The following RAPGEF5 variants were observed in gnomAD, a reference collection of about 807,000 sequenced individuals.
RAPGEF5 encodes M-Ras-regulated GEF.
Under a neutral mutation model 125.2 loss-of-function variants are expected in RAPGEF5, and 65 were observed. The ratio of observed to expected loss-of-function variants is 0.52; its 90% CI spans 0.43 to 0.64. The LOEUF is 0.64. Among genes scored for constraint, RAPGEF5 ranks in the 30% least tolerant of loss-of-function variants. The pLI, the probability that RAPGEF5 is intolerant of heterozygous loss-of-function variation, is 0.00. For missense variants in RAPGEF5, 958 were observed against 1,048.1 expected (o/e 0.91, Z 1.19); for synonymous variants, 391 against 385.9 (o/e 1.01, Z -0.16).
intron 3 of RAPGEF5, among the ~76,000 whole-genome samples, chr7:22,311,478 A>G (rs998259969): frequency 2.6e-5 from 4 of 152,214 alleles, no homozygotes; most frequent in African/African-American, 4.8e-5. Context: ...GAATCACACC[A>G]TAACCAACAA....
intron 1 of RAPGEF5, among the ~76,000 whole-genome samples, chr7:22,325,067 T>C (rs1783787267): frequency 6.6e-6 from 1 of 152,188 alleles, no homozygotes; most frequent in South Asian, 2.1e-4. Flanking sequence ...CTGTGCACTT[T>C]CCTGTATTTC....
intron 1 of RAPGEF5, among the ~76,000 whole-genome samples, chr7:22,334,813 C>A (rs952064900): frequency 6.6e-5 from 10 of 152,228 alleles, no homozygotes; most frequent in Admixed American, 6.5e-5. Context: ...CCCTGGATAG[C>A]TGGATCCAGC....
intron 7 of RAPGEF5, among the ~76,000 whole-genome samples, chr7:22,242,027 C>G (rs1466951171): frequency 6.6e-6 from 1 of 152,186 alleles, no homozygotes; most frequent in East Asian, 1.9e-4. Flanking sequence ...AAGTTCAAGG[C>G]TGTCCCCATA....
intron 7 of RAPGEF5, among the ~76,000 whole-genome samples, chr7:22,257,247 A>C (rs1050096134): frequency 6.6e-6 from 1 of 152,184 alleles, no homozygotes; most frequent in East Asian, 1.9e-4. Flanking sequence ...GATGTATATT[A>C]GCTTATTTTT....
intron 19 of RAPGEF5, among the ~76,000 whole-genome samples, chr7:22,145,998 G>GT (rs1491016880): frequency 2.0e-5 from 3 of 150,154 alleles, no homozygotes; most frequent in African/African-American, 7.4e-5. Context: ...GTGTGTGTGT[G>GT]TTTTATAGAG....
At chr7:22,309,366 C>T (rs1167120150) in intron 4 of RAPGEF5, among the ~76,000 whole-genome samples, 3 of 152,164 alleles carry the variant, frequency 2.0e-5, no homozygotes, top group Non-Finnish European at 1.5e-5. Context: ...GAAAAAAGTG[C>T]TTTTCAGTGA....
chr7:22,151,872 T>C (rs753083041), intron 17 of RAPGEF5, among the ~76,000 whole-genome samples: 4 of 152,244 alleles, frequency 2.6e-5, no homozygotes, highest in Non-Finnish European at 5.9e-5. Flanking sequence ...ATATTCCTCC[T>C]CTATCTTATT....
At chr7:22,217,706 T>G (rs1785673087) in intron 9 of RAPGEF5, among the ~76,000 whole-genome samples, 1 of 152,188 alleles carries the variant, frequency 6.6e-6, no homozygotes, top group Admixed American at 6.5e-5. Context: ...CACAGGAAAG[T>G]CTACATAGAA....
At position 22,122,404 on chromosome 7, in the gene RAPGEF5, G is replaced by A. The variant is rs778620855; in HGVS notation, c.*2C>T. 4 of 1,607,474 alleles carry A rather than the reference G, an allele frequency of 2.5e-6. No individual in the cohort carries two copies. Among genetic ancestry groups the A allele is most frequent in the South Asian group, 2.2e-5 (2 of 90,904 alleles). On this transcript the variant is annotated 3_prime_UTR_variant, in exon 26 of 26. Transcript: ENST00000665637. ...GATACAGGGGAGGTGAGGCAGTGGG[G>A]CTCACACCCGAGGCTCGATCCTGTG...
At chr7:22,156,700 G>A (rs1677125971) in intron 16 of RAPGEF5, 110 bp downstream of exon 16, 4 of 1,546,014 alleles carry the variant, frequency 2.6e-6, no homozygotes, top group African/African-American at 2.7e-5. Flanking sequence ...GTGCTTATCT[G>A]AGGGGTGACA....
At chr7:22,213,312 A>G (rs1785553318) in intron 9 of RAPGEF5, among the ~76,000 whole-genome samples, 2 of 152,248 alleles carry the variant, frequency 1.3e-5, no homozygotes, top group African/African-American at 4.8e-5. Flanking sequence ...TAAAGAGCAC[A>G]CACAGTGAAC....
intron 7 of RAPGEF5, among the ~76,000 whole-genome samples, chr7:22,232,518 C>A (rs1027087838): frequency 2.0e-5 from 3 of 152,064 alleles, no homozygotes; most frequent in Admixed American, 2.0e-4. Context: ...CAGGGTTTCA[C>A]CATGTTGGCC....
chr7:22,356,043 C>G (rs1483252254), intron 1 of RAPGEF5: 1 of 985,296 alleles, frequency 1.0e-6, no homozygotes, highest in Non-Finnish European at 1.2e-6. Context: ...TCCTGAGGCC[C>G]TGGCGGGGCC....
At chr7:22,336,709 G>C (rs760612752) in intron 1 of RAPGEF5, among the ~76,000 whole-genome samples, 43 of 152,174 alleles carry the variant, frequency 2.8e-4, no homozygotes, top group Non-Finnish European at 5.6e-4. Context: ...CTCTTCCTGG[G>C]TGGAACCTGG....
chr7:22,123,087 A>T (rs1782631960), intron 25 of RAPGEF5, among the ~76,000 whole-genome samples: 1 of 152,248 alleles, frequency 6.6e-6, no homozygotes, highest in Non-Finnish European at 1.5e-5. Flanking sequence ...CAGATACAAC[A>T]GAACAGACTC....
intron 11 of RAPGEF5, among the ~76,000 whole-genome samples, chr7:22,174,156 C>G (rs1459531714): frequency 6.6e-6 from 1 of 152,090 alleles, no homozygotes; most frequent in Non-Finnish European, 1.5e-5. Flanking sequence ...TAAATACTAC[C>G]TATTATTTAT....
At chr7:22,228,805 G>T (rs1225676847) in intron 8 of RAPGEF5, among the ~76,000 whole-genome samples, 1 of 151,688 alleles carries the variant, frequency 6.6e-6, no homozygotes, top group Non-Finnish European at 1.5e-5. Flanking sequence ...GAGCCACCAC[G>T]ACTGTTACTC....
At chr7:22,192,279 A>G (rs1020907934) in intron 11 of RAPGEF5, 1 of 152,484 alleles carries the variant, frequency 6.6e-6, no homozygotes, top group African/African-American at 2.4e-5. Flanking sequence ...TTTTAAAATT[A>G]CACAATAACT....
At chr7:22,205,984 A>T (rs1290254454) in intron 9 of RAPGEF5, among the ~76,000 whole-genome samples, 6 of 152,190 alleles carry the variant, frequency 3.9e-5, no homozygotes, top group African/African-American at 1.4e-4. Context: ...AGACATATTC[A>T]ATCAGAGTGA....
Sources: allele counts gnomAD v4.1 joint callset (sites outside exome capture counted in the v4.1 genomes callset), GRCh38; gene constraint gnomAD v4.1.1; transcripts MANE v1.5; gene names NCBI Gene and HGNC (gene_info 2026-07-23, HGNC 2026-07-21).